The following MIER1 variants were observed in gnomAD, a reference collection of about 807,000 sequenced individuals.
MIER1 encodes the protein MIER1 transcriptional regulator.
In MIER1, 40 loss-of-function variants were observed where a neutral mutation model predicts 75.7. That is an observed-to-expected ratio of 0.53 (90% CI 0.41 to 0.69). The LOEUF (loss-of-function observed/expected upper bound fraction) is 0.69, where lower values mean the gene tolerates loss of function less well. Among genes scored for constraint, MIER1 ranks in the 30% least tolerant of loss-of-function variants. The pLI is 0.00. For missense variants in MIER1, 574 were observed against 680.2 expected, an observed-to-expected ratio of 0.84 and a Z score of 1.74; for synonymous variants, 213 against 223.4, an observed-to-expected ratio of 0.95 and a Z score of 0.42.
At chr1:66,928,957 T>C (rs1439607164) in intron 2 of MIER1, 4 of 1,599,716 alleles carry the variant, frequency 2.5e-6, no homozygotes, top group Non-Finnish European at 3.4e-6. Flanking sequence ...TCCTGTCAAA[T>C]TACCAGGTAA....
intron 11 of MIER1, among the ~76,000 whole-genome samples, chr1:66,973,781 G>C (rs1228439369): frequency 6.6e-6 from 1 of 152,014 alleles, no homozygotes; most frequent in East Asian, 1.9e-4. Context: ...TAATTCCCAG[G>C]CTTATGATTA....
chr1:66,985,517 C>CAA lies in MIER1; in HGVS notation c.*618_*619insAA. On this transcript the variant is annotated 3_prime_UTR_variant, in exon 14 of 14. Coordinates refer to ENST00000401041, the MANE Select transcript of MIER1 (RefSeq NM_001077700.3). ...ATTGTTGACATCAATGATGTCTTTC[C>CAA]ATATTCTTATCTGGGCTTAAGAAAT... 1 of 984,336 alleles carries CAA rather than the reference C, an allele frequency of 1.0e-6. No individual in the cohort carries two copies. The highest frequency in any genetic ancestry group is 4.7e-5 in the South Asian group (1 of 21,266). The allele number at this position is 984,336 out of a possible 1,614,324, so 61.0% of individuals were successfully genotyped here. A position where few individuals can be genotyped will look rare whatever the true frequency, so the allele number is the denominator to read the frequency against.
chr1:66,939,634 C>T (rs1448496270), intron 2 of MIER1, among the ~76,000 whole-genome samples: 14 of 151,978 alleles, frequency 9.2e-5, no homozygotes, highest in African/African-American at 3.1e-4. Context: ...TTTTTTAAGT[C>T]GGAGACCAGC....
intron 3 of MIER1, 62 bp from the exon 4 acceptor site, chr1:66,946,088 A>G (rs1657568522): frequency 1.4e-6 from 2 of 1,468,878 alleles, no homozygotes; most frequent in Non-Finnish European, 1.8e-6. Context: ...AAATATATAC[A>G]TTAATATTAA....
chr1:66,962,689 A>G (rs897481774), intron 7 of MIER1, among the ~76,000 whole-genome samples: 5 of 152,162 alleles, frequency 3.3e-5, no homozygotes, highest in African/African-American at 1.2e-4. Flanking sequence ...CAAAAATTTC[A>G]TAGATGACAC....
intron 4 of MIER1, among the ~76,000 whole-genome samples, chr1:66,950,520 T>C (rs1658675930): frequency 6.6e-6 from 1 of 152,306 alleles, no homozygotes; most frequent in African/African-American, 2.4e-5. Flanking sequence ...GCAGTCCATT[T>C]GGGAAAAGAA....
At chr1:66,953,463 T>G (rs1348470579) in intron 4 of MIER1, among the ~76,000 whole-genome samples, 1 of 152,220 alleles carries the variant, frequency 6.6e-6, no homozygotes, top group Non-Finnish European at 1.5e-5. Flanking sequence ...CTTTTTATAC[T>G]GTCGTGCTTC....
At chr1:66,963,876 C>T (rs1477404971) in intron 8 of MIER1, among the ~76,000 whole-genome samples, 1 of 151,866 alleles carries the variant, frequency 6.6e-6, no homozygotes, top group East Asian at 1.9e-4. Context: ...CCACTGCACT[C>T]CAGCCTGGGT....
At chr1:66,976,843 C>A in intron 12 of MIER1, 121 bp downstream of exon 12, 1 of 780,330 alleles carries the variant, frequency 1.3e-6, no homozygotes, top group Non-Finnish European at 1.9e-6. Context: ...AACCAGAAGG[C>A]CGAGAGTGAT....
At chr1:66,930,412 A>G (rs1200664142) in intron 2 of MIER1, 3 of 1,606,120 alleles carry the variant, frequency 1.9e-6, no homozygotes, top group Non-Finnish European at 2.5e-6. Flanking sequence ...TAAGGGAGCG[A>G]GCTCCCCCTC....
rs1666833879 is a variant in MIER1 at position 66,986,732 on chromosome 1, T to G, written c.*1832T>G. The G allele has an allele frequency of 5.8e-6, 2 of 344,624 alleles. No individual in the cohort carries two copies. Among genetic ancestry groups the G allele is most frequent in the Non-Finnish European group, 1.0e-5 (2 of 191,716 alleles). 21.3% of individuals were successfully genotyped at this position (344,624 alleles called of 1,614,324 possible). On this transcript the variant is annotated 3_prime_UTR_variant, in exon 14 of 14. Coordinates refer to ENST00000401041, the MANE Select transcript of MIER1 (RefSeq NM_001077700.3). Reference sequence around the variant, plus strand: ...AGTAAATCAAAGTTTTGGGTGGAAGTGTTGAGAAGTATGAGTTTTTTGTTG... The same window carrying G: ...AGTAAATCAAAGTTTTGGGTGGAAGGGTTGAGAAGTATGAGTTTTTTGTTG...
At chr1:66,946,371 C>T (rs1324863008) in intron 4 of MIER1, 76 bp downstream of exon 4, 1 of 1,473,200 alleles carries the variant, frequency 6.8e-7, no homozygotes, top group Non-Finnish European at 9.0e-7. Context: ...AATTTTGATT[C>T]TCTGATTAGG....
In MIER1 at chr1:66,988,475, T is replaced by C. The variant is rs1376310778; in HGVS notation, c.*3575T>C. ...ACCAGTTTTCCATAAACTCTTGTCA[T>C]GTACCCTTAGTATTGTGCTGATCTT... On this transcript the variant is annotated 3_prime_UTR_variant, in exon 14 of 14. Transcript: ENST00000401041. 1 of 152,344 alleles carries C rather than the reference T, an allele frequency of 6.6e-6. No homozygotes were observed. The highest frequency in any genetic ancestry group is 1.5e-5 in the Non-Finnish European group (1 of 68,006). 9.4% of individuals were successfully genotyped at this position (152,344 alleles called of 1,614,324 possible).
At position 66,930,977 on chromosome 1, in the gene MIER1, G is replaced by C. The variant is rs374576477; in HGVS notation, c.168+4735G>C. ...TGGGGGGAGTCTGCCCATTTATCCA[G>C]ACAGTTCCATCTCCCGCTCCCCAAG... On this transcript the variant is annotated intron_variant, in intron 2 of 13. Coordinates refer to ENST00000401041, the MANE Select transcript of MIER1 (RefSeq NM_001077700.3). 1.5e-4 allele frequency among the ~76,000 whole-genome samples: 23 copies of C among 152,220 alleles called. No individual in the cohort carries two copies. The East Asian group carries it at 4.3e-3, about 28-fold the overall frequency.
intron 4 of MIER1, chr1:66,948,308 T>C: frequency 1.2e-5 from 9 of 735,708 alleles, no homozygotes; most frequent in Non-Finnish European, 1.3e-5. Flanking sequence ...CTTTAAGGAT[T>C]TGGAATACAT....
chr1:66,971,044 C>T (rs1663492755), intron 9 of MIER1, 85 bp downstream of exon 9: 4 of 1,296,822 alleles, frequency 3.1e-6, no homozygotes, highest in East Asian at 2.7e-5. Context: ...TTATTCTGTC[C>T]ACCAAACTTT....
At position 66,987,691 on chromosome 1, in the gene MIER1, T is replaced by A. The variant is rs1293275213; in HGVS notation, c.*2791T>A. 1 of 136,488 alleles carries A rather than the reference T, an allele frequency of 7.3e-6. No individual in the cohort carries two copies. Among genetic ancestry groups the A allele is most frequent in the Admixed American group, 7.1e-5 (1 of 14,056 alleles). 8.5% of individuals were successfully genotyped at this position (136,488 alleles called of 1,614,324 possible). A position where few individuals can be genotyped will look rare whatever the true frequency, so the allele number is the denominator to read the frequency against. ...ATTTGCCTACATAATACTGTGTGAA[T>A]ATTTTCATTAGATTAATTCACTAAG... On this transcript the variant is annotated 3_prime_UTR_variant, in exon 14 of 14. Coordinates refer to ENST00000401041, the MANE Select transcript of MIER1 (RefSeq NM_001077700.3).
intron 8 of MIER1, among the ~76,000 whole-genome samples, chr1:66,964,191 C>A (rs1661856462): frequency 6.6e-6 from 1 of 150,546 alleles, no homozygotes. Context: ...CCTGCCTCAG[C>A]CTCCTGAGTA....
chr1:66,975,069 C>A (rs1173010416), intron 11 of MIER1, among the ~76,000 whole-genome samples: 1 of 152,082 alleles, frequency 6.6e-6, no homozygotes, highest in Non-Finnish European at 1.5e-5. Context: ...CTGTACAGTG[C>A]AAACGGGAAG....
Sources: gnomAD v4.1 joint callset for allele counts (sites outside exome capture counted in the v4.1 genomes callset) on GRCh38, gnomAD v4.1.1 for gene constraint, MANE v1.5 for transcripts, NCBI Gene and HGNC (gene_info 2026-07-23, HGNC 2026-07-21) for gene names.